Variants in RGS22 observed in about 807,000 individuals in gnomAD.
RGS22 encodes regulator of G-protein signaling 22.
In RGS22, 148 loss-of-function variants were observed where a neutral mutation model predicts 172.9. The observed-to-expected ratio is 0.86, with a 90% CI of 0.75 to 0.98. The LOEUF (loss-of-function observed/expected upper bound fraction) is 0.98. Ranked by LOEUF, RGS22 falls within the 50% of genes least tolerant of loss-of-function variation. RGS22 has a pLI of 0.00. For synonymous variants in RGS22, 458 were observed against 480.2 expected (o/e 0.95, Z 0.60); for missense variants, 1,347 against 1,440.8 (o/e 0.93, Z 1.05).
intron 9 of RGS22, among the ~76,000 whole-genome samples, chr8:100,058,258 T>C (rs890583650): frequency 4.1e-5 from 6 of 147,912 alleles, no homozygotes; most frequent in Non-Finnish European, 8.9e-5. Flanking sequence ...AAAGAGGAGG[T>C]AGAAAAGAGA....
At chr8:100,054,255 C>T (rs186594492) in intron 9 of RGS22, 1 of 152,378 alleles carries the variant, frequency 6.6e-6, no homozygotes, top group East Asian at 1.9e-4. Flanking sequence ...AAGACTAATT[C>T]TTATTCCATA....
intron 14 of RGS22, among the ~76,000 whole-genome samples, chr8:100,025,081 T>C (rs1391720547): frequency 6.6e-6 from 1 of 152,094 alleles, no homozygotes; most frequent in African/African-American, 2.4e-5. Flanking sequence ...TCCTACAGTA[T>C]TCAAAAATCT....
chr8:99,982,238 G>T, intron 21 of RGS22, 122 bp from the exon 22 acceptor site: 5 of 726,324 alleles, frequency 6.9e-6, no homozygotes, highest in South Asian at 2.6e-5. Flanking sequence ...GAAGGCAGTG[G>T]GATATTTCAA....
intron 21 of RGS22, among the ~76,000 whole-genome samples, chr8:99,985,737 G>A (rs971169924): frequency 6.6e-6 from 1 of 152,136 alleles, no homozygotes; most frequent in African/African-American, 2.4e-5. Flanking sequence ...ATATTAAAAT[G>A]GAGACCAAGG....
chr8:100,043,258 A>C (rs1820332399), intron 11 of RGS22, among the ~76,000 whole-genome samples: 1 of 152,204 alleles, frequency 6.6e-6, no homozygotes, highest in Non-Finnish European at 1.5e-5. Context: ...ATGTTGTCTC[A>C]GGAAGAAGCG....
At chr8:99,999,114 A>C in intron 19 of RGS22, 148 bp downstream of exon 19, 1 of 664,480 alleles carries the variant, frequency 1.5e-6, no homozygotes, top group South Asian at 2.1e-5. Flanking sequence ...AGCTAGGATC[A>C]CACCACTGCA....
chr8:100,022,609 T>A (rs2131467485), intron 14 of RGS22, among the ~76,000 whole-genome samples: 1 of 152,206 alleles, frequency 6.6e-6, no homozygotes, highest in South Asian at 2.1e-4. Context: ...TTTATAAATT[T>A]TTGGATTTGT....
chr8:100,007,202 G>T (rs796660533), intron 15 of RGS22, among the ~76,000 whole-genome samples: 1 of 152,106 alleles, frequency 6.6e-6, no homozygotes, highest in African/African-American at 2.4e-5. Flanking sequence ...TTTGTATGAC[G>T]ATCTAAGAAG....
At chr8:100,070,481 A>C (rs1321370989) in intron 6 of RGS22, among the ~76,000 whole-genome samples, 1 of 152,090 alleles carries the variant, frequency 6.6e-6, no homozygotes, top group Non-Finnish European at 1.5e-5. Flanking sequence ...ACTATCAAGA[A>C]CTCTACTTTC....
At chr8:99,985,189 T>C (rs1278058380) in intron 21 of RGS22, among the ~76,000 whole-genome samples, 1 of 152,208 alleles carries the variant, frequency 6.6e-6, no homozygotes, top group Non-Finnish European at 1.5e-5. Flanking sequence ...GGGAATTTCT[T>C]GGCCTTTCTG....
At chr8:100,104,084 G>A (rs189231529) in intron 2 of RGS22, among the ~76,000 whole-genome samples, 3 of 152,252 alleles carry the variant, frequency 2.0e-5, no homozygotes, top group Non-Finnish European at 2.9e-5. Flanking sequence ...TTGGGAGGCC[G>A]AGGTGGGTGG....
At chr8:99,978,461 C>T (rs1448456169) in intron 22 of RGS22, among the ~76,000 whole-genome samples, 1 of 152,076 alleles carries the variant, frequency 6.6e-6, no homozygotes, top group Non-Finnish European at 1.5e-5. Context: ...TCCAAATGTC[C>T]AGTTCATCAA....
intron 14 of RGS22, among the ~76,000 whole-genome samples, chr8:100,038,065 C>G (rs1188226056): frequency 6.6e-6 from 1 of 152,116 alleles, no homozygotes; most frequent in Non-Finnish European, 1.5e-5. Flanking sequence ...AATGATGAAG[C>G]TAGTTTCCTT....
At chr8:99,987,836 C>T (rs780319002) in intron 20 of RGS22, among the ~76,000 whole-genome samples, 3 of 151,896 alleles carry the variant, frequency 2.0e-5, no homozygotes, top group East Asian at 1.9e-4. Context: ...TGATTTAGAC[C>T]GTATGACTAC....
Position 100,066,107 on chromosome 8 carries a change from A to G in RGS22, c.724+60T>C. The G allele has an allele frequency of 3.9e-6, 6 of 1,546,388 alleles. No individual in the cohort carries two copies. The South Asian group carries it at 7.1e-5, about 18-fold the overall frequency. On this transcript the variant is annotated intron_variant, in intron 7 of 27. Coordinates refer to ENST00000360863, the MANE Select transcript of RGS22 (RefSeq NM_015668.5). Reference sequence around the variant, plus strand: ...ACTAAGTACTGTACTGTAAAATTAGAACAAACAAACAAAAACTTAAAGAGA... The same window carrying G: ...ACTAAGTACTGTACTGTAAAATTAGGACAAACAAACAAAAACTTAAAGAGA...
intron 14 of RGS22, among the ~76,000 whole-genome samples, chr8:100,034,921 T>C (rs1025266471): frequency 2.6e-5 from 4 of 152,190 alleles, no homozygotes; most frequent in Non-Finnish European, 4.4e-5. Flanking sequence ...AAGCTGAAAC[T>C]GGATCCCCTC....
intron 14 of RGS22, among the ~76,000 whole-genome samples, chr8:100,013,494 C>T (rs550588920): frequency 2.8e-4 from 42 of 152,244 alleles, no homozygotes; most frequent in East Asian, 1.3e-3. Flanking sequence ...AGATTATCTA[C>T]GTGTGATTTA....
At chr8:100,090,721 G>T (rs954159120) in intron 3 of RGS22, among the ~76,000 whole-genome samples, 1 of 152,112 alleles carries the variant, frequency 6.6e-6, no homozygotes, top group Non-Finnish European at 1.5e-5. Context: ...TCTCAGAGAA[G>T]AGCATGCCAG....
chr8:100,056,410 C>T (rs1251378652), intron 9 of RGS22, among the ~76,000 whole-genome samples: 1 of 152,168 alleles, frequency 6.6e-6, no homozygotes, highest in African/African-American at 2.4e-5. Flanking sequence ...AAATGTTAAT[C>T]GCCAAGACAA....
Sources: gnomAD v4.1 joint callset for allele counts (sites outside exome capture counted in the v4.1 genomes callset) on GRCh38, gnomAD v4.1.1 for gene constraint, MANE v1.5 for transcripts, NCBI Gene and HGNC (gene_info 2026-07-23, HGNC 2026-07-21) for gene names.